The following RBMS3 variants were observed in gnomAD, a reference collection of about 807,000 sequenced individuals.
RBMS3 encodes the protein RNA binding motif single stranded interacting protein 3.
RBMS3 carries 27 observed loss-of-function variants against 66.8 expected under a neutral mutation model. The ratio of observed to expected loss-of-function variants is 0.40; its 90% CI spans 0.30 to 0.56. RBMS3 has a LOEUF of 0.56. Among genes scored for constraint, RBMS3 ranks in the 20% least tolerant of loss-of-function variants. The pLI, the probability that RBMS3 is intolerant of heterozygous loss-of-function variation, is 0.40. For missense variants in RBMS3, 513 were observed against 549.5 expected (o/e 0.93, Z 0.66); for synonymous variants, 188 against 183.0 (o/e 1.03, Z -0.22).
chr3:29,413,423 T>TACACACAC (rs1553599304), intron 1 of RBMS3, among the ~76,000 whole-genome samples: 1,636 of 119,010 alleles, frequency 0.014, 14 homozygotes, highest in South Asian at 0.022. Flanking sequence ...CATACATACA[T>TACACACAC]ACACAGAGTT....
chr3:29,997,763 G>A (rs1334893630), intron 14 of RBMS3, among the ~76,000 whole-genome samples: 13 of 152,134 alleles, frequency 8.5e-5, no homozygotes, highest in South Asian at 2.1e-4. Context: ...TCGATGGGAC[G>A]TATTTCAAAA....
chr3:29,737,568 C>G (rs1433482915), intron 4 of RBMS3, among the ~76,000 whole-genome samples: 1 of 152,014 alleles, frequency 6.6e-6, no homozygotes, highest in African/African-American at 2.4e-5. Context: ...GTAATATTTG[C>G]CAAACTACTT....
At chr3:29,740,230 G>A (rs2054576634) in intron 5 of RBMS3, among the ~76,000 whole-genome samples, 1 of 152,088 alleles carries the variant, frequency 6.6e-6, no homozygotes, top group Non-Finnish European at 1.5e-5. Flanking sequence ...AAGCAAAAGA[G>A]CCCATGTGGT....
chr3:29,434,785 C>G lies in RBMS3; in HGVS notation c.118C>G (p.Pro40Ala), dbSNP rs773484473. Residue 40 changes from proline to alanine, a missense_variant, in exon 2 of 15, where the codon CCC becomes GCC. Coordinates refer to ENST00000383767, the MANE Select transcript of RBMS3 (RefSeq NM_001003793.3). ...TCCCCACCCCATGGCTCCTCCCAGC[C>G]CCAGCACAAACAGCAGCAGCAACAA... is the stretch of plus-strand genomic sequence containing the variant. ...PAPHPMAPPS[P>A]STNSSSNNSS... The G allele has an allele frequency of 2.5e-6, 4 of 1,613,970 alleles. No homozygotes were observed. Among genetic ancestry groups the G allele is most frequent in the Non-Finnish European group, 3.4e-6 (4 of 1,180,014 alleles).
At chr3:29,893,100 C>A (rs2060043105) in intron 8 of RBMS3, among the ~76,000 whole-genome samples, 1 of 151,274 alleles carries the variant, frequency 6.6e-6, no homozygotes, top group African/African-American at 2.4e-5. Flanking sequence ...TTGAGAAGAG[C>A]TTATTTCAGA....
intron 1 of RBMS3, among the ~76,000 whole-genome samples, chr3:29,295,066 T>G (rs2033130972): frequency 6.6e-6 from 1 of 151,538 alleles, no homozygotes; most frequent in Non-Finnish European, 1.5e-5. Flanking sequence ...TTAGATGAAA[T>G]TCTGATGTAA....
intron 6 of RBMS3, among the ~76,000 whole-genome samples, chr3:29,851,372 G>GA (rs1275337112): frequency 2.0e-5 from 3 of 152,140 alleles, no homozygotes; most frequent in Non-Finnish European, 2.9e-5. Context: ...TTTGATCCAG[G>GA]AAACAGTATG....
intron 1 of RBMS3, among the ~76,000 whole-genome samples, chr3:29,378,885 C>G (rs927714351): frequency 6.6e-6 from 1 of 152,102 alleles, no homozygotes; most frequent in Non-Finnish European, 1.5e-5. Flanking sequence ...TGGGAATATA[C>G]TTAATTTATT....
chr3:29,453,631 G>T (rs574848684), intron 2 of RBMS3, among the ~76,000 whole-genome samples: 29 of 152,150 alleles, frequency 1.9e-4, no homozygotes, highest in Non-Finnish European at 3.4e-4. Flanking sequence ...TCCTGCATGC[G>T]TCCTGAGCTG....
rs148846541 is a variant in RBMS3, at chr3:29,652,337, A to T, written c.399+65132A>T. Among the ~76,000 whole-genome samples the T allele has an allele frequency of 3.2e-3, 492 of 152,270 alleles. 4 individuals carry two copies. The highest frequency in any genetic ancestry group is 0.014 in the Middle Eastern group (4 of 294). ...GAGGTGGGAGCTGAAGTAAAGAAAA[A>T]GTAAAAAACTCATATAAATAACAAT... On this transcript the variant is annotated intron_variant, in intron 4 of 14. Coordinates refer to ENST00000383767, the MANE Select transcript of RBMS3 (RefSeq NM_001003793.3).
intron 4 of RBMS3, chr3:29,641,128 T>C (rs1017142942): frequency 3.9e-5 from 6 of 152,070 alleles, no homozygotes; most frequent in Non-Finnish European, 8.8e-5. Flanking sequence ...TTTTGGTATC[T>C]TTTATTCTTC....
chr3:29,938,676 T>C (rs111327023), intron 11 of RBMS3, among the ~76,000 whole-genome samples: 1 of 151,926 alleles, frequency 6.6e-6, no homozygotes, highest in Non-Finnish European at 1.5e-5. Context: ...CCAGTTGAGG[T>C]TGATTTTGGA....
chr3:29,677,711 T>C (rs779457181), intron 4 of RBMS3, among the ~76,000 whole-genome samples: 2 of 152,186 alleles, frequency 1.3e-5, no homozygotes, highest in Non-Finnish European at 2.9e-5. Context: ...TTCTTCTTTT[T>C]ATTGGGTTTT....
chr3:29,456,683 T>C (rs935384433), intron 2 of RBMS3, among the ~76,000 whole-genome samples: 2 of 152,144 alleles, frequency 1.3e-5, no homozygotes, highest in African/African-American at 4.8e-5. Context: ...TTCTAAGATA[T>C]TATTCAAAAA....
chr3:29,538,302 T>C (rs2045644761), intron 3 of RBMS3, among the ~76,000 whole-genome samples: 1 of 152,182 alleles, frequency 6.6e-6, no homozygotes, highest in African/African-American at 2.4e-5. Context: ...CCCACAGAAG[T>C]TCTGAAGTAA....
chr3:29,832,850 A>G (rs1178153690), intron 6 of RBMS3, among the ~76,000 whole-genome samples: 1 of 152,128 alleles, frequency 6.6e-6, no homozygotes. Flanking sequence ...GGGCACCACA[A>G]GTGTGCCATG....
intron 2 of RBMS3, among the ~76,000 whole-genome samples, chr3:29,466,464 GA>G (rs1326504831): frequency 1.3e-5 from 2 of 152,190 alleles, no homozygotes; most frequent in Admixed American, 6.5e-5. Flanking sequence ...AAATATTTAA[GA>G]TTTTTTTTTA....
chr3:29,435,090 T>G, intron 2 of RBMS3, 175 bp downstream of exon 2: 1 of 733,712 alleles, frequency 1.4e-6, no homozygotes, highest in Non-Finnish European at 2.1e-6. Flanking sequence ...GGAGTGGAAT[T>G]GGTTTACTTT....
At chr3:29,284,359 T>C (rs957148447) in intron 1 of RBMS3, among the ~76,000 whole-genome samples, 4 of 152,134 alleles carry the variant, frequency 2.6e-5, no homozygotes, top group African/African-American at 9.6e-5. Context: ...TTTACTATCA[T>C]TAGTTTTTTG....
Sources: gnomAD v4.1 joint callset for allele counts (sites outside exome capture counted in the v4.1 genomes callset) on GRCh38, gnomAD v4.1.1 for gene constraint, MANE v1.5 for transcripts, NCBI Gene and HGNC (gene_info 2026-07-23, HGNC 2026-07-21) for gene names.